The following CPNE8 variants were observed in gnomAD, a reference collection of about 807,000 sequenced individuals.
CPNE8 encodes copine 8, also known as copine-8.
CPNE8 carries 45 observed loss-of-function variants against 81.5 expected under a neutral mutation model. The ratio of observed to expected loss-of-function variants is 0.55; its 90% CI spans 0.44 to 0.71. The LOEUF (loss-of-function observed/expected upper bound fraction) is 0.71. Ranked by LOEUF, CPNE8 falls within the 30% of genes least tolerant of loss-of-function variation. The probability of loss-of-function intolerance (pLI) is 0.00; values close to 1 mark genes in which losing one functional copy is unlikely to be tolerated. For synonymous variants in CPNE8, 252 were observed against 226.3 expected (o/e 1.11, Z -1.02); for missense variants, 594 against 672.1 (o/e 0.88, Z 1.28).
At chr12:38,682,499 A>G (rs1939432803) in intron 16 of CPNE8, among the ~76,000 whole-genome samples, 1 of 152,208 alleles carries the variant, frequency 6.6e-6, no homozygotes, top group Non-Finnish European at 1.5e-5. Context: ...CAGAGGTTGC[A>G]GTGAGCCGAG....
intron 1 of CPNE8, among the ~76,000 whole-genome samples, chr12:38,899,610 A>C (rs1944432282): frequency 6.6e-6 from 1 of 152,250 alleles, no homozygotes; most frequent in Non-Finnish European, 1.5e-5. Flanking sequence ...ATATTTTAAA[A>C]CAACCTCTTC....
chr12:38,652,591 AT>A lies in CPNE8; in HGVS notation c.*1290del, dbSNP rs1228340275. The A allele has an allele frequency of 6.6e-6, 1 of 152,444 alleles. No homozygotes were observed. Among genetic ancestry groups the A allele is most frequent in the African/African-American group, 2.4e-5 (1 of 41,386 alleles). The allele number at this position is 152,444 out of a possible 1,614,324, so 9.4% of individuals were successfully genotyped here. A position where few individuals can be genotyped will look rare whatever the true frequency, so the allele number is the denominator to read the frequency against. On this transcript the variant is annotated 3_prime_UTR_variant, in exon 20 of 20. Coordinates refer to ENST00000331366, the MANE Select transcript of CPNE8 (RefSeq NM_153634.3). ...GGAAAAAATATTATAAAGCAGTTAC[AT>A]TTTTGACACACACACACACACAAAT...
chr12:38,672,575 A>G (rs1367505831), intron 18 of CPNE8, among the ~76,000 whole-genome samples: 1 of 152,200 alleles, frequency 6.6e-6, no homozygotes, highest in Non-Finnish European at 1.5e-5. Flanking sequence ...GGGAGACACA[A>G]TGAAGTTAGA....
At chr12:38,664,491 G>T (rs763366764) in intron 19 of CPNE8, among the ~76,000 whole-genome samples, 37 of 151,976 alleles carry the variant, frequency 2.4e-4, no homozygotes, top group South Asian at 4.2e-4. Context: ...ATATAAGGAA[G>T]ATTATTATTA....
At chr12:38,704,059 T>C (rs1425693971) in intron 13 of CPNE8, among the ~76,000 whole-genome samples, 1 of 152,018 alleles carries the variant, frequency 6.6e-6, no homozygotes, top group Non-Finnish European at 1.5e-5. Context: ...TGGGTACTCA[T>C]GGACATAAAG....
chr12:38,844,212 G>C (rs1036452580), intron 4 of CPNE8, among the ~76,000 whole-genome samples: 1 of 152,100 alleles, frequency 6.6e-6, no homozygotes, highest in Non-Finnish European at 1.5e-5. Context: ...TCTAGACTCA[G>C]ATATCCCTTT....
chr12:38,868,974 A>C (rs943808129), intron 3 of CPNE8, among the ~76,000 whole-genome samples: 1 of 152,212 alleles, frequency 6.6e-6, no homozygotes, highest in Non-Finnish European at 1.5e-5. Context: ...AGCAAAATGC[A>C]ATAGTATTCA....
intron 6 of CPNE8, among the ~76,000 whole-genome samples, chr12:38,786,355 C>T (rs192626568): frequency 6.6e-6 from 1 of 152,056 alleles, no homozygotes; most frequent in African/African-American, 2.4e-5. Context: ...GCAGACCCAC[C>T]CTTACTCTGG....
At chr12:38,832,848 T>G (rs1462036890) in intron 5 of CPNE8, among the ~76,000 whole-genome samples, 1 of 152,068 alleles carries the variant, frequency 6.6e-6, no homozygotes, top group African/African-American at 2.4e-5. Flanking sequence ...AATATTTTAG[T>G]AGAAACAATT....
chr12:38,704,826 G>GTATATATGTGTGTATATA (rs1940051981), intron 13 of CPNE8, among the ~76,000 whole-genome samples: 2 of 50,194 alleles, frequency 4.0e-5, no homozygotes, highest in South Asian at 1.6e-3. Context: ...GTATGTATGT[G>GTATATATGTGTGTATATA]TATATATATA....
intron 10 of CPNE8, among the ~76,000 whole-genome samples, chr12:38,743,395 A>G (rs1196889302): frequency 6.6e-6 from 1 of 152,100 alleles, no homozygotes; most frequent in Non-Finnish European, 1.5e-5. Context: ...TTTTAGTGGC[A>G]TAAATCTTAA....
intron 15 of CPNE8, among the ~76,000 whole-genome samples, chr12:38,689,089 T>A (rs1307702781): frequency 6.6e-6 from 1 of 152,176 alleles, no homozygotes; most frequent in Admixed American, 6.5e-5. Flanking sequence ...AAACACAGGA[T>A]TTTTTAAAAA....
At chr12:38,906,762 G>T (rs777610074), upstream of CPNE8, 10 of 264,752 alleles carry the variant, frequency 3.8e-5, no homozygotes, top group Non-Finnish European at 4.7e-5. Flanking sequence ...TCACCCGAGC[G>T]CCTGCGGGTC....
chr12:38,905,711 A>T, upstream of CPNE8: 1 of 1,442,430 alleles, frequency 6.9e-7, no homozygotes, highest in East Asian at 2.5e-5. Context: ...CAGAGCCACG[A>T]GGGAACCGCT....
At chr12:38,744,836 G>A (rs1265144976) in intron 10 of CPNE8, among the ~76,000 whole-genome samples, 1 of 152,212 alleles carries the variant, frequency 6.6e-6, no homozygotes, top group African/African-American at 2.4e-5. Context: ...TATTCAAAGT[G>A]TACTTCAGAT....
chr12:38,680,797 A>G (rs554258221), intron 16 of CPNE8, among the ~76,000 whole-genome samples: 36 of 152,192 alleles, frequency 2.4e-4, no homozygotes, highest in African/African-American at 8.2e-4. Flanking sequence ...ATAAAGCATA[A>G]TACATTATTT....
intron 3 of CPNE8, among the ~76,000 whole-genome samples, chr12:38,870,591 A>T (rs1943977391): frequency 6.6e-6 from 1 of 152,126 alleles, no homozygotes; most frequent in South Asian, 2.1e-4. Flanking sequence ...GAGTTAAACA[A>T]TGAGAACACA....
In CPNE8 at chr12:38,883,820, A is replaced by G. The variant is rs376193938; in HGVS notation, c.99-9309T>C. Among the ~76,000 whole-genome samples, 190 of 152,342 alleles carry G rather than the reference A, an allele frequency of 1.2e-3. 3 individuals carry two copies. In the Middle Eastern group the frequency reaches 0.024, roughly 19 times the overall value. ...CTCCCTGTCCTTTCAGACACTCTAA[A>G]TAGCACCTTCAGGCAGATGTGACAA... is the stretch of plus-strand genomic sequence containing the variant. On this transcript the variant is annotated intron_variant, in intron 1 of 19. Transcript: ENST00000331366.
At chr12:38,684,289 G>C (rs1939480779) in intron 16 of CPNE8, among the ~76,000 whole-genome samples, 1 of 152,094 alleles carries the variant, frequency 6.6e-6, no homozygotes, top group East Asian at 1.9e-4. Flanking sequence ...TCAATTTTGG[G>C]GGCCAAGATT....
Sources: gnomAD v4.1 joint callset for allele counts (sites outside exome capture counted in the v4.1 genomes callset) on GRCh38, gnomAD v4.1.1 for gene constraint, MANE v1.5 for transcripts, NCBI Gene and HGNC (gene_info 2026-07-23, HGNC 2026-07-21) for gene names.